CFAP54: variants seen among roughly 807,000 people sequenced by gnomAD.
The protein encoded by CFAP54 is cilia- and flagella-associated protein 54.
CFAP54 carries 290 observed loss-of-function variants against 370.4 expected under a neutral mutation model. That is an observed-to-expected ratio of 0.78 (90% confidence interval 0.71 to 0.86). CFAP54 has a LOEUF of 0.86. CFAP54 is among the 40% of genes least tolerant of loss of function. CFAP54 has a pLI of 0.00. For missense variants in CFAP54, 3,399 were observed against 3,528.7 expected (o/e 0.96, Z 0.93); for synonymous variants, 1,206 against 1,236.5 (o/e 0.98, Z 0.52).
At chr12:96,528,428 T>G (rs375182294) in intron 9 of CFAP54, among the ~76,000 whole-genome samples, 6 of 152,304 alleles carry the variant, frequency 3.9e-5, no homozygotes, top group East Asian at 3.9e-4. Context: ...TTTTTAGGTT[T>G]CGCTCACAAG....
chr12:96,813,645 T>C (rs1958947007), intron 64 of CFAP54, among the ~76,000 whole-genome samples: 1 of 152,224 alleles, frequency 6.6e-6, no homozygotes, highest in Non-Finnish European at 1.5e-5. Context: ...AATTGTGCTG[T>C]TGTGACCAAA....
intron 55 of CFAP54, among the ~76,000 whole-genome samples, chr12:96,749,476 A>C (rs1037341356): frequency 1.3e-5 from 2 of 152,244 alleles, no homozygotes; most frequent in Admixed American, 1.3e-4. Flanking sequence ...AAGATTGTTA[A>C]GAAGATGTTA....
At chr12:96,527,546 ATTG>A (rs1395388349) in intron 9 of CFAP54, 102 bp downstream of exon 9, 2 of 568,904 alleles carry the variant, frequency 3.5e-6, no homozygotes, top group African/African-American at 5.0e-5. Flanking sequence ...TAACATTTAT[ATTG>A]TTTTTTTTTT....
rs1186972328 is a variant in CFAP54 at position 96,581,028 on chromosome 12, G to A, written c.2998G>A (p.Ala1000Thr). The change falls in exon 22 of 68, where the codon GCT (alanine) becomes ACT (threonine). Residue 1000 changes from alanine (A) to threonine (T), a missense_variant. Around this residue, in one of 3 missense-constraint regions of CFAP54, gnomAD observed 2,796 missense variants for 2,869.7 expected, o/e 0.97. Coordinates refer to ENST00000524981, the MANE Select transcript of CFAP54 (RefSeq NM_001306084.2). ...TAACAACGGAAAGCTTGTCGGTGGT[G>A]CTATTGGGGAGACAACTAAACCAAT... ...YSNNGKLVGG[A>T]IGETTKPILV... is the part of the protein sequence containing the mutation. The A allele has an allele frequency of 3.3e-6, 5 of 1,533,682 alleles. No individual in the cohort carries two copies. In the African/African-American group the frequency reaches 6.9e-5, roughly 21 times the overall value.
intron 55 of CFAP54, 132 bp downstream of exon 55, chr12:96,744,278 C>A: frequency 2.5e-6 from 2 of 806,498 alleles, no homozygotes; most frequent in Non-Finnish European, 3.9e-6. Context: ...TTTATTTAAC[C>A]AATAGTTTTT....
chr12:96,513,001 A>C lies in CFAP54; in HGVS notation c.755A>C (p.Tyr252Ser), dbSNP rs993759109. The C allele has an allele frequency of 2.3e-5, 35 of 1,517,484 alleles. No homozygotes were observed. Among genetic ancestry groups the C allele is most frequent in the Admixed American group, 1.0e-4 (5 of 48,838 alleles). The allele number at this position is 1,517,484 out of a possible 1,614,324, so 94.0% of individuals were successfully genotyped here. A position where few individuals can be genotyped will look rare whatever the true frequency, so the allele number is the denominator to read the frequency against. The change falls in exon 5 of 68, where the codon TAC becomes TCC. Residue 252 changes from tyrosine (Y) to serine (S), a missense_variant. Around this residue, in one of 3 missense-constraint regions of CFAP54, gnomAD observed 559 missense variants for 576.7 expected, o/e 0.97. Transcript: ENST00000524981. ...CTCCATCCAGGTACCATTTATATTT[A>C]CACCATTTGCAGAAAACTGATGGTC... Reference protein sequence around the residue: ...WIIFNGTIYIYTICRKLMVIG... With the variant: ...WIIFNGTIYISTICRKLMVIG...
At chr12:96,855,513 C>T (rs1339430522) in intron 66 of CFAP54, among the ~76,000 whole-genome samples, 1 of 152,210 alleles carries the variant, frequency 6.6e-6, no homozygotes, top group South Asian at 2.1e-4. Context: ...TACACCCATT[C>T]CAAATGGGAG....
chr12:96,496,191 CTCAA>C, intron 1 of CFAP54, among the ~76,000 whole-genome samples: 1 of 152,306 alleles, frequency 6.6e-6, no homozygotes, highest in Middle Eastern at 3.4e-3. Context: ...GTCTCCTTCA[CTCAA>C]TCAGTGACTC....
intron 42 of CFAP54, among the ~76,000 whole-genome samples, 181 bp from the exon 43 acceptor site, chr12:96,688,735 A>C (rs1957354843): frequency 1.3e-5 from 2 of 152,168 alleles, no homozygotes; most frequent in Non-Finnish European, 2.9e-5. Flanking sequence ...ATATTTAGGC[A>C]GTAGGATTAT....
At chr12:96,797,366 C>T (rs916223008) in intron 63 of CFAP54, among the ~76,000 whole-genome samples, 7 of 151,974 alleles carry the variant, frequency 4.6e-5, no homozygotes, top group African/African-American at 1.7e-4. Flanking sequence ...CATCTATATG[C>T]TTGCTGATTT....
At chr12:96,558,501 C>A (rs1955779057) in intron 17 of CFAP54, among the ~76,000 whole-genome samples, 1 of 152,090 alleles carries the variant, frequency 6.6e-6, no homozygotes, top group South Asian at 2.1e-4. Flanking sequence ...TACTACAGAG[C>A]TATAGTAACC....
chr12:96,829,517 A>G (rs1357739965), intron 66 of CFAP54, among the ~76,000 whole-genome samples: 1 of 152,010 alleles, frequency 6.6e-6, no homozygotes, highest in Admixed American at 6.6e-5. Flanking sequence ...GTCATATTTA[A>G]TGCCTGCATA....
chr12:96,855,689 C>T (rs1029113009), intron 66 of CFAP54, among the ~76,000 whole-genome samples: 44 of 152,246 alleles, frequency 2.9e-4, no homozygotes, highest in African/African-American at 9.2e-4. Context: ...AGCTCTGCCC[C>T]TGTGCGTTTG....
At chr12:96,546,092 A>G (rs1955637851) in intron 14 of CFAP54, among the ~76,000 whole-genome samples, 1 of 152,254 alleles carries the variant, frequency 6.6e-6, no homozygotes, top group Non-Finnish European at 1.5e-5. Flanking sequence ...GGTCAGAAGC[A>G]CAGGTAAAAC....
intron 27 of CFAP54, 81 bp downstream of exon 27, chr12:96,621,802 A>C: frequency 1.9e-6 from 2 of 1,051,146 alleles, no homozygotes; most frequent in South Asian, 3.1e-5. Context: ...TAAACATATT[A>C]GAAAATTGGT....
At chr12:96,520,149 C>T (rs973538073) in intron 6 of CFAP54, among the ~76,000 whole-genome samples, 1 of 152,198 alleles carries the variant, frequency 6.6e-6, no homozygotes, top group Non-Finnish European at 1.5e-5. Flanking sequence ...ACACACACCA[C>T]TATGCCAAGC....
At chr12:96,666,952 T>TA (rs1249636030) in intron 39 of CFAP54, among the ~76,000 whole-genome samples, 1 of 152,204 alleles carries the variant, frequency 6.6e-6, no homozygotes, top group East Asian at 1.9e-4. Context: ...ACTTCCTAGA[T>TA]ACAGTGGGGG....
At chr12:96,596,725 C>T (rs1439386214) in intron 25 of CFAP54, among the ~76,000 whole-genome samples, 1 of 151,744 alleles carries the variant, frequency 6.6e-6, no homozygotes, top group Non-Finnish European at 1.5e-5. Context: ...ACAAAAAGGA[C>T]TATAACAAAG....
chr12:96,555,930 T>G (rs112011099), intron 17 of CFAP54, among the ~76,000 whole-genome samples: 4 of 151,846 alleles, frequency 2.6e-5, no homozygotes, highest in Non-Finnish European at 5.9e-5. Flanking sequence ...AAGACATAAA[T>G]AGCTAAGACA....
Sources: gnomAD v4.1 joint callset for allele counts (sites outside exome capture counted in the v4.1 genomes callset) on GRCh38, gnomAD v4.1.1 for gene constraint, gnomAD v4.1.1 regional missense constraint, MANE v1.5 for transcripts, NCBI Gene and HGNC (gene_info 2026-07-23, HGNC 2026-07-21) for gene names.